Variants in MYH15 observed in about 807,000 individuals in gnomAD.
MYH15 encodes myosin-15.
A neutral mutation model predicts 240.5 loss-of-function variants in MYH15; 227 were observed. That is an observed-to-expected ratio of 0.94 (90% confidence interval 0.85 to 1.05). MYH15 has a LOEUF of 1.05. Ranked by LOEUF, MYH15 falls within the 50% of genes least tolerant of loss-of-function variation. The probability of loss-of-function intolerance (pLI) is 0.00; values close to 1 mark genes in which losing one functional copy is unlikely to be tolerated. For missense variants in MYH15, 2,217 were observed against 2,247.5 expected, an observed-to-expected ratio of 0.99 and a Z score of 0.27; for synonymous variants, 785 against 796.7, an observed-to-expected ratio of 0.99 and a Z score of 0.25.
intron 25 of MYH15, among the ~76,000 whole-genome samples, chr3:108,432,823 C>T (rs2082790366): frequency 6.6e-6 from 1 of 152,138 alleles, no homozygotes; most frequent in Admixed American, 6.5e-5. Flanking sequence ...ACCTAAATTT[C>T]AGATGTATGG....
intron 25 of MYH15, among the ~76,000 whole-genome samples, chr3:108,436,690 C>A (rs1441615235): frequency 6.6e-6 from 1 of 152,176 alleles, no homozygotes; most frequent in African/African-American, 2.4e-5. Context: ...GGGCACATGC[C>A]ATCACGCCCA....
At position 108,470,020 on chromosome 3, in the gene MYH15, CAA is replaced by C. The variant is rs1560400982; in HGVS notation, c.1554+20_1554+21del. 1 of 1,585,930 alleles carries C rather than the reference CAA, an allele frequency of 6.3e-7. No homozygotes were observed. Among genetic ancestry groups the C allele is most frequent in the Admixed American group, 1.9e-5 (1 of 52,626 alleles). ...ACAATTCTCCCGAAATGAAAATGGA[CAA>C]AGAGAAAAACATATATTACCTTCTC... On this transcript the variant is annotated intron_variant, in intron 14 of 40. Coordinates refer to ENST00000693548, the MANE Select transcript of MYH15 (RefSeq NM_014981.3).
chr3:108,540,237 G>C, the MYH15 span, among the ~76,000 whole-genome samples: 1 of 152,134 alleles, frequency 6.6e-6, no homozygotes, highest in East Asian at 1.9e-4. Flanking sequence ...CATGTGATTT[G>C]CACTGGTGAA....
intron 22 of MYH15, among the ~76,000 whole-genome samples, chr3:108,443,825 T>C (rs2082903949): frequency 6.6e-6 from 1 of 151,804 alleles, no homozygotes; most frequent in African/African-American, 2.4e-5. Context: ...CAGAGTCTGC[T>C]TAATCAAAAT....
At position 108,414,889 on chromosome 3, in the gene MYH15, G is replaced by A. The variant is rs1206120552; in HGVS notation, c.3949-461C>T. Among the ~76,000 whole-genome samples the A allele has an allele frequency of 4.6e-5, 7 of 152,074 alleles. No individual in the cohort carries two copies. In the East Asian group the frequency reaches 1.3e-3, roughly 29 times the overall value. On this transcript the variant is annotated intron_variant, in intron 29 of 40. Coordinates refer to ENST00000693548, the MANE Select transcript of MYH15 (RefSeq NM_014981.3). Reference sequence around the variant, plus strand: ...CACACTGAAATCTCTAAAAACCTCAGCTCCTAATACTTCAAAATAGTACTA... The same window carrying A: ...CACACTGAAATCTCTAAAAACCTCAACTCCTAATACTTCAAAATAGTACTA...
the MYH15 span, among the ~76,000 whole-genome samples, chr3:108,538,681 GAT>G: frequency 1.3e-5 from 2 of 152,200 alleles, no homozygotes; most frequent in Non-Finnish European, 2.9e-5. Flanking sequence ...TGGACAATGA[GAT>G]GTGTATATAA....
chr3:108,402,020 A>C (rs1034048974), intron 33 of MYH15, among the ~76,000 whole-genome samples: 4 of 152,254 alleles, frequency 2.6e-5, no homozygotes, highest in African/African-American at 9.6e-5. Context: ...GGAAGAGCTA[A>C]TGATTTAAAA....
chr3:108,411,788 G>C (rs1297826372), intron 30 of MYH15, among the ~76,000 whole-genome samples: 1 of 152,144 alleles, frequency 6.6e-6, no homozygotes, highest in Admixed American at 6.5e-5. Flanking sequence ...AGAAAAAAAG[G>C]TTCTCCGGAA....
intron 36 of MYH15, among the ~76,000 whole-genome samples, chr3:108,393,582 G>C (rs1321647069): frequency 6.6e-6 from 1 of 152,114 alleles, no homozygotes; most frequent in African/African-American, 2.4e-5. Flanking sequence ...TTACCAACCT[G>C]ATTTTGCTCT....
chr3:108,429,260 G>A (rs1040532305), intron 26 of MYH15, among the ~76,000 whole-genome samples: 13 of 152,202 alleles, frequency 8.5e-5, no homozygotes, highest in South Asian at 4.1e-4. Context: ...TTTGAAATTC[G>A]TTTATCTGAT....
rs34957697 is a variant in MYH15 at position 108,417,796 on chromosome 3, TACACACACACAC to T, written c.3830-878_3830-867del. On this transcript the variant is annotated intron_variant, in intron 28 of 40. Coordinates refer to ENST00000693548, the MANE Select transcript of MYH15 (RefSeq NM_014981.3). ...ACACGTACAGGTATGTATATATATA[TACACACACACAC>T]ACACACACACACACACACATATACA... Among the ~76,000 whole-genome samples, 53 of 147,044 alleles carry T rather than the reference TACACACACACAC, an allele frequency of 3.6e-4. No homozygotes were observed. The East Asian group carries it at 9.1e-3, about 25-fold the overall frequency.
chr3:108,515,556 G>C (rs1209677016), upstream of MYH15, among the ~76,000 whole-genome samples: 3 of 152,036 alleles, frequency 2.0e-5, no homozygotes, highest in African/African-American at 7.2e-5. Flanking sequence ...GTGAGTTTTT[G>C]TTATTTGCCA....
chr3:108,385,616 T>C (rs143519367), intron 38 of MYH15, among the ~76,000 whole-genome samples: 5 of 152,330 alleles, frequency 3.3e-5, no homozygotes, highest in African/African-American at 1.2e-4. Context: ...ATATTGGAGC[T>C]ATTGTACTTT....
intron 7 of MYH15, 113 bp downstream of exon 7, chr3:108,495,667 C>A: frequency 1.6e-6 from 1 of 619,886 alleles, no homozygotes; most frequent in Non-Finnish European, 2.6e-6. Context: ...AGACTTTAAT[C>A]AAAGACCTTC....
chr3:108,536,916 G>C, the MYH15 span, among the ~76,000 whole-genome samples: 1 of 152,170 alleles, frequency 6.6e-6, no homozygotes, highest in Non-Finnish European at 1.5e-5. Flanking sequence ...AAAACAGATA[G>C]TGCAGATCTC....
intron 1 of MYH15, among the ~76,000 whole-genome samples, chr3:108,521,881 T>A (rs2083621238): frequency 6.6e-6 from 1 of 152,126 alleles, no homozygotes. Context: ...CATTTTCAGG[T>A]GTGCTTGGGG....
intron 37 of MYH15, 139 bp downstream of exon 37, chr3:108,391,621 A>G (rs1441654843): frequency 1.1e-6 from 1 of 887,398 alleles, no homozygotes; most frequent in Middle Eastern, 3.0e-4. Context: ...GAGATCTGAC[A>G]CTCTTAAATA....
At chr3:108,511,995 T>C (rs543727864), upstream of MYH15, among the ~76,000 whole-genome samples, 55 of 152,290 alleles carry the variant, frequency 3.6e-4, 1 homozygote, top group South Asian at 0.011. Flanking sequence ...ACTTAGTCCC[T>C]GTAGATGCAT....
intron 1 of MYH15, among the ~76,000 whole-genome samples, chr3:108,526,869 C>T (rs987091530): frequency 1.3e-5 from 2 of 152,000 alleles, no homozygotes; most frequent in African/African-American, 4.8e-5. Context: ...GACTTATTTC[C>T]ATCAAAAAGA....
Sources: allele counts gnomAD v4.1 joint callset (sites outside exome capture counted in the v4.1 genomes callset), GRCh38; gene constraint gnomAD v4.1.1; transcripts MANE v1.5; gene names NCBI Gene and HGNC (gene_info 2026-07-23, HGNC 2026-07-21).